The following KDM4C variants were observed in gnomAD, a reference collection of about 807,000 sequenced individuals.
The protein encoded by KDM4C is lysine demethylase 4C.
KDM4C carries 81 observed loss-of-function variants against 129.3 expected under a neutral mutation model. That is an observed-to-expected ratio of 0.63 (90% CI 0.52 to 0.75). The LOEUF (loss-of-function observed/expected upper bound fraction) is 0.75, where lower values mean the gene tolerates loss of function less well. Among genes scored for constraint, KDM4C ranks in the 30% least tolerant of loss-of-function variants. The pLI is 0.00. For synonymous variants in KDM4C, 573 were observed against 456.1 expected (o/e 1.26, Z -3.26); for missense variants, 1,457 against 1,304.0 (o/e 1.12, Z -1.81).
At chr9:7,009,579 G>A (rs1822308756) in intron 12 of KDM4C, among the ~76,000 whole-genome samples, 1 of 151,782 alleles carries the variant, frequency 6.6e-6, no homozygotes, top group Non-Finnish European at 1.5e-5. Context: ...GATTCCTTTG[G>A]TGCCACTGCC....
At chr9:7,072,264 C>T (rs1278978515) in intron 17 of KDM4C, among the ~76,000 whole-genome samples, 3 of 152,108 alleles carry the variant, frequency 2.0e-5, no homozygotes, top group Non-Finnish European at 2.9e-5. Context: ...TAAAATTAAA[C>T]TTACAATTTA....
chr9:6,908,017 A>G (rs1366858699), intron 8 of KDM4C, among the ~76,000 whole-genome samples: 1 of 152,194 alleles, frequency 6.6e-6, no homozygotes, highest in Non-Finnish European at 1.5e-5. Context: ...AGTCCTTTGT[A>G]AGGAATGGAT....
intron 5 of KDM4C, among the ~76,000 whole-genome samples, chr9:6,856,980 A>C (rs901754237): frequency 6.6e-6 from 1 of 151,950 alleles, no homozygotes; most frequent in Admixed American, 6.6e-5. Flanking sequence ...GATGGTCTCG[A>C]TCTCCTGACC....
chr9:7,056,784 C>T (rs190935577), intron 17 of KDM4C, among the ~76,000 whole-genome samples: 10 of 152,252 alleles, frequency 6.6e-5, no homozygotes, highest in African/African-American at 1.9e-4. Flanking sequence ...CTTGCATTGA[C>T]GAATGCTCCA....
chr9:6,749,913 G>A (rs986352070), intron 1 of KDM4C, among the ~76,000 whole-genome samples: 5 of 149,302 alleles, frequency 3.3e-5, no homozygotes, highest in Admixed American at 2.7e-4. Context: ...TTGAACCAGG[G>A]GGGCGGAGGT....
intron 19 of KDM4C, among the ~76,000 whole-genome samples, chr9:7,141,461 A>T (rs899416240): frequency 1.7e-4 from 26 of 152,234 alleles, no homozygotes; most frequent in African/African-American, 6.3e-4. Context: ...AGGAGAAATG[A>T]TGGTAATTTG....
At chr9:7,096,541 G>C (rs752885704) in intron 17 of KDM4C, among the ~76,000 whole-genome samples, 1 of 152,122 alleles carries the variant, frequency 6.6e-6, no homozygotes, top group Non-Finnish European at 1.5e-5. Flanking sequence ...TCCCAACCAG[G>C]TCAGACTGTG....
intron 8 of KDM4C, among the ~76,000 whole-genome samples, chr9:6,951,275 T>C (rs925698573): frequency 2.0e-5 from 3 of 152,250 alleles, no homozygotes; most frequent in Admixed American, 2.0e-4. Flanking sequence ...TTATTGCTTC[T>C]ATCTAGCTGT....
intron 1 of KDM4C, chr9:6,723,388 GA>G (rs1324007369): frequency 3.9e-5 from 6 of 152,050 alleles, no homozygotes; most frequent in Non-Finnish European, 8.8e-5. Flanking sequence ...AAGAAAAGAA[GA>G]AAAAAAGTTT....
chr9:7,104,566 T>C lies in KDM4C; in HGVS notation c.2610+696T>C, dbSNP rs533582387. Among the ~76,000 whole-genome samples the C allele has an allele frequency of 4.6e-5, 7 of 152,120 alleles. No individual in the cohort carries two copies. In the South Asian group the frequency reaches 1.5e-3, roughly 32 times the overall value. On this transcript the variant is annotated intron_variant, in intron 18 of 21. Coordinates refer to ENST00000381309, the MANE Select transcript of KDM4C (RefSeq NM_015061.6). ...AGCCATATTTCTGTTGACCTGTCCTTGTCAAATGAAATCTTTCCTGTGTTT... is the reference window on the plus strand; with the variant it reads ...AGCCATATTTCTGTTGACCTGTCCTCGTCAAATGAAATCTTTCCTGTGTTT...
chr9:6,995,313 A>C (rs577564460), intron 12 of KDM4C, among the ~76,000 whole-genome samples: 2 of 152,230 alleles, frequency 1.3e-5, no homozygotes, highest in South Asian at 2.1e-4. Context: ...AAATGTGTGT[A>C]CATACACCTG....
chr9:6,925,235 T>G, intron 8 of KDM4C: 2 of 985,394 alleles, frequency 2.0e-6, no homozygotes. Context: ...TGGCAGAGCT[T>G]CAGACGGAAT....
Position 6,888,037 on chromosome 9 carries a change from A to T in KDM4C, c.757A>T (p.Lys253Ter). 6.3e-7 allele frequency: 1 copy of T among 1,590,490 alleles called. No homozygotes were observed. Reference protein sequence around the residue: ...KMTLISPSVLKKYGIPFDKIT... With the variant: ...KMTLISPSVL ...GACATTGATTTCTCCATCAGTATTG[A>T]AGAAATATGGTATTCCCTTTGACAA... Residue 253 changes from lysine (K) to a stop codon, truncating the protein, a stop_gained, in exon 7 of 22, where the codon AAG becomes TAG. Coordinates refer to ENST00000381309, the MANE Select transcript of KDM4C (RefSeq NM_015061.6). LOFTEE classifies it high-confidence loss of function.
rs561776944 is a variant in KDM4C, at chr9:6,782,192, G to A, written c.-17-10780G>A. On this transcript the variant is annotated intron_variant, in intron 1 of 21. Coordinates refer to ENST00000381309, the MANE Select transcript of KDM4C (RefSeq NM_015061.6). ...TCTGTGAATAATGAAGATTGATGAC[G>A]TGTGTGGAGTGCCGAGAGCATTTAA... Among the ~76,000 whole-genome samples the A allele has an allele frequency of 3.3e-5, 5 of 152,294 alleles. No homozygotes were observed. The East Asian group carries it at 7.7e-4, about 23-fold the overall frequency.
intron 1 of KDM4C, among the ~76,000 whole-genome samples, chr9:6,760,603 C>G (rs1819262277): frequency 6.6e-6 from 1 of 151,698 alleles, no homozygotes. Flanking sequence ...CGAAGTCTCA[C>G]TCTGTTGCCC....
chr9:7,062,237 G>C (rs1447357557), intron 17 of KDM4C, among the ~76,000 whole-genome samples: 2 of 152,070 alleles, frequency 1.3e-5, no homozygotes, highest in Admixed American at 1.3e-4. Flanking sequence ...CAAAGTGCTG[G>C]GATTACAGGT....
intron 1 of KDM4C, chr9:6,723,657 A>C (rs1306075095): frequency 1.3e-5 from 2 of 148,660 alleles, no homozygotes; most frequent in East Asian, 1.9e-4. Context: ...AAAATTGGGG[A>C]CTATGTATAT....
At chr9:6,840,168 G>A (rs1353472265) in intron 4 of KDM4C, among the ~76,000 whole-genome samples, 2 of 151,802 alleles carry the variant, frequency 1.3e-5, no homozygotes, top group African/African-American at 4.8e-5. Flanking sequence ...GACCTCCCAG[G>A]CTAAGGTGCT....
intron 1 of KDM4C, among the ~76,000 whole-genome samples, chr9:6,766,430 G>A (rs965861576): frequency 6.6e-6 from 1 of 151,972 alleles, no homozygotes; most frequent in African/African-American, 2.4e-5. Flanking sequence ...TTTGAAATTA[G>A]AAATGTCAGA....
Sources: gnomAD v4.1 joint callset for allele counts (sites outside exome capture counted in the v4.1 genomes callset) on GRCh38, gnomAD v4.1.1 for gene constraint, MANE v1.5 for transcripts, NCBI Gene and HGNC (gene_info 2026-07-23, HGNC 2026-07-21) for gene names.